Variants in FAF2 observed in about 807,000 individuals in gnomAD.
FAF2 encodes the protein FAS-associated factor 2.
Under a neutral mutation model 62.3 loss-of-function variants are expected in FAF2, and 9 were observed. The ratio of observed to expected loss-of-function variants is 0.14; its 90% confidence interval spans 0.09 to 0.25. FAF2 has a LOEUF of 0.25. Ranked by LOEUF, FAF2 falls within the 10% of genes least tolerant of loss-of-function variation. The pLI, the probability that FAF2 is intolerant of heterozygous loss-of-function variation, is 1.00. For missense variants in FAF2, 368 were observed against 556.2 expected (o/e 0.66, Z 3.40); for synonymous variants, 202 against 198.0 (o/e 1.02, Z -0.17).
intron 5 of FAF2, among the ~76,000 whole-genome samples, chr5:176,493,749 C>G (rs546438593): frequency 1.3e-5 from 2 of 152,274 alleles, no homozygotes; most frequent in East Asian, 3.9e-4. Flanking sequence ...TCTCATGTGT[C>G]TGTTAAGTTT....
intron 1 of FAF2, among the ~76,000 whole-genome samples, chr5:176,476,215 G>A (rs1253851904): frequency 1.3e-5 from 2 of 152,020 alleles, no homozygotes; most frequent in East Asian, 3.8e-4. Flanking sequence ...AGCCAAGATC[G>A]TTCCACTGCA....
intron 1 of FAF2, among the ~76,000 whole-genome samples, chr5:176,463,210 A>G (rs1401397279): frequency 6.6e-6 from 1 of 152,048 alleles, no homozygotes; most frequent in Non-Finnish European, 1.5e-5. Flanking sequence ...CCTGGCCAAC[A>G]TAGCAAAACC....
In FAF2 at chr5:176,509,471, C is replaced by G. The variant is rs968004535; in HGVS notation, c.*2521C>G. ...AATCATCAACTAAAAGCACTTGTTT[C>G]AAGTTTTGTTCTGCACTCCCACGAC... is the stretch of plus-strand genomic sequence containing the variant. On this transcript the variant is annotated 3_prime_UTR_variant, in exon 11 of 11. Coordinates refer to ENST00000261942, the MANE Select transcript of FAF2 (RefSeq NM_014613.3). 6.6e-6 allele frequency: 1 copy of G among 152,422 alleles called. No individual in the cohort carries two copies. Among genetic ancestry groups the G allele is most frequent in the Admixed American group, 6.5e-5 (1 of 15,282 alleles). The allele number at this position is 152,422 out of a possible 1,614,324, so 9.4% of individuals were successfully genotyped here.
intron 1 of FAF2, among the ~76,000 whole-genome samples, chr5:176,476,946 A>T (rs1191914351): frequency 1.3e-5 from 2 of 150,128 alleles, no homozygotes; most frequent in African/African-American, 2.5e-5. Flanking sequence ...AGTAGCTGGG[A>T]CTACAGGCGC....
chr5:176,449,348 C>G (rs991750617), intron 1 of FAF2, among the ~76,000 whole-genome samples: 1 of 152,078 alleles, frequency 6.6e-6, no homozygotes, highest in African/African-American at 2.4e-5. Flanking sequence ...AGGCCAAGGC[C>G]AGCGAATCAC....
intron 5 of FAF2, 55 bp from the exon 6 acceptor site, chr5:176,493,944 A>T: frequency 8.1e-7 from 1 of 1,237,468 alleles, no homozygotes; most frequent in Non-Finnish European, 1.2e-6. Flanking sequence ...CTTAGCTTAA[A>T]TATAAGCTCA....
chr5:176,453,808 C>A (rs1252480767), intron 1 of FAF2: 1 of 152,114 alleles, frequency 6.6e-6, no homozygotes, highest in Non-Finnish European at 1.5e-5. Context: ...GTAATCCAAG[C>A]ACTTTGGGAG....
chr5:176,482,373 C>T (rs758969481), intron 2 of FAF2, among the ~76,000 whole-genome samples: 33 of 151,914 alleles, frequency 2.2e-4, no homozygotes, highest in African/African-American at 6.5e-4. Context: ...GTCCCATGCC[C>T]GGCTAATTTT....
intron 1 of FAF2, among the ~76,000 whole-genome samples, chr5:176,459,080 A>T (rs985725787): frequency 2.0e-5 from 3 of 152,196 alleles, no homozygotes; most frequent in African/African-American, 7.2e-5. Context: ...TGCTTGCTGC[A>T]TGATAGATGC....
At chr5:176,449,643 C>A (rs917504737) in intron 1 of FAF2, among the ~76,000 whole-genome samples, 2 of 151,972 alleles carry the variant, frequency 1.3e-5, no homozygotes, top group African/African-American at 4.8e-5. Context: ...GTTAGAAGGG[C>A]CTTGTAGACT....
intron 1 of FAF2, among the ~76,000 whole-genome samples, chr5:176,468,971 G>A (rs563972098): frequency 6.6e-5 from 10 of 152,160 alleles, no homozygotes; most frequent in South Asian, 4.2e-4. Flanking sequence ...TAGGCTGGGC[G>A]TGGTGCCTCA....
chr5:176,498,539 G>C (rs369173828), intron 8 of FAF2, among the ~76,000 whole-genome samples: 22 of 152,270 alleles, frequency 1.4e-4, no homozygotes, highest in African/African-American at 5.1e-4. Flanking sequence ...ATATGTGTGT[G>C]TTTTGGTTTT....
At chr5:176,457,253 A>G (rs1179376585) in intron 1 of FAF2, among the ~76,000 whole-genome samples, 4 of 152,170 alleles carry the variant, frequency 2.6e-5, no homozygotes, top group Non-Finnish European at 2.9e-5. Context: ...CAATGGCTCA[A>G]CCTTGGCTCA....
chr5:176,456,944 CT>C (rs1391321126), intron 1 of FAF2, among the ~76,000 whole-genome samples: 2 of 152,084 alleles, frequency 1.3e-5, no homozygotes, highest in African/African-American at 4.8e-5. Context: ...GCTGGCCTCC[CT>C]TTTTTGGGGT....
intron 4 of FAF2, among the ~76,000 whole-genome samples, chr5:176,491,087 TG>T (rs2113740508): frequency 6.6e-6 from 1 of 152,210 alleles, no homozygotes; most frequent in East Asian, 1.9e-4. Flanking sequence ...ACTCACTTTT[TG>T]TTAAGGAAAA....
intron 1 of FAF2, among the ~76,000 whole-genome samples, chr5:176,465,366 CTTTTT>C (rs70991554): frequency 4.3e-5 from 5 of 115,724 alleles, no homozygotes; most frequent in Non-Finnish European, 5.1e-5. Flanking sequence ...CTTTTTCTTT[CTTTTT>C]TTTTTTTTTT....
intron 5 of FAF2, among the ~76,000 whole-genome samples, chr5:176,493,073 T>C (rs760190150): frequency 2.1e-4 from 32 of 152,254 alleles, no homozygotes; most frequent in African/African-American, 6.0e-4. Context: ...GAGAAATACA[T>C]AGAATTAACA....
intron 2 of FAF2, 71 bp from the exon 3 acceptor site, chr5:176,486,265 TTTGGAATACCACGCAATAG>T: frequency 6.5e-7 from 1 of 1,530,382 alleles, no homozygotes; most frequent in South Asian, 1.2e-5. Context: ...ACCATCCTGT[TTTGGAATACCACGCAATAG>T]TTGCCTCACC....
In FAF2 at chr5:176,494,721, A is replaced by C. The variant is rs1407797291; in HGVS notation, c.661+446A>C. Among the ~76,000 whole-genome samples, 1 of 151,784 alleles carries C rather than the reference A, an allele frequency of 6.6e-6. No homozygotes were observed. The highest frequency in any genetic ancestry group is 1.5e-5 in the Non-Finnish European group (1 of 67,964). On this transcript the variant is annotated intron_variant, in intron 7 of 10. Coordinates refer to ENST00000261942, the MANE Select transcript of FAF2 (RefSeq NM_014613.3). This position sits in a 1 kb window ranked among gnomAD's most constrained non-coding sequence, Gnocchi z 4.0. ...AGGCATGCACCACCACGCCCAGCTA[A>C]TTTTTTTGTATTTTTAGTAGAGATG...
Sources: allele counts gnomAD v4.1 joint callset (sites outside exome capture counted in the v4.1 genomes callset), GRCh38; gene constraint gnomAD v4.1.1; non-coding constraint Gnocchi (gnomAD v3.1); transcripts MANE v1.5; gene names NCBI Gene and HGNC (gene_info 2026-07-23, HGNC 2026-07-21).